GRIP1: variants seen among roughly 807,000 people sequenced by gnomAD.
GRIP1 encodes glutamate receptor-interacting protein 1.
Under a neutral mutation model 129.9 loss-of-function variants are expected in GRIP1, and 45 were observed. The ratio of observed to expected loss-of-function variants is 0.35; its 90% CI spans 0.27 to 0.44. The LOEUF is 0.44. Among genes scored for constraint, GRIP1 ranks in the 20% least tolerant of loss-of-function variants. The pLI, the probability that GRIP1 is intolerant of heterozygous loss-of-function variation, is 1.00. For synonymous variants in GRIP1, 530 were observed against 520.8 expected, an observed-to-expected ratio of 1.02 and a Z score of -0.24; for missense variants, 1,196 against 1,396.8, an observed-to-expected ratio of 0.86 and a Z score of 2.29.
chr12:66,617,149 G>A (rs1314813133), intron 1 of GRIP1, among the ~76,000 whole-genome samples: 4 of 149,444 alleles, frequency 2.7e-5, no homozygotes, highest in African/African-American at 9.9e-5. Flanking sequence ...AGATGGGGGA[G>A]GTGAAGAGAG....
chr12:66,613,086 T>C (rs1237625408), intron 1 of GRIP1, among the ~76,000 whole-genome samples: 2 of 152,298 alleles, frequency 1.3e-5, no homozygotes, highest in South Asian at 2.1e-4. Flanking sequence ...AAGAAACCTA[T>C]TAAGTATAAA....
At chr12:66,835,047 A>G (rs1210773095) in intron 1 of GRIP1, among the ~76,000 whole-genome samples, 3 of 152,128 alleles carry the variant, frequency 2.0e-5, no homozygotes, top group Non-Finnish European at 4.4e-5. Context: ...GACAAGCCAC[A>G]GACTGGGAAA....
At chr12:67,003,506 A>G (rs549870660) in intron 1 of GRIP1, among the ~76,000 whole-genome samples, 1 of 152,140 alleles carries the variant, frequency 6.6e-6, no homozygotes, top group Non-Finnish European at 1.5e-5. Context: ...AGCCTCAGCA[A>G]CGTGGTGAAA....
At chr12:66,479,012 A>G (rs1215890603) in intron 7 of GRIP1, among the ~76,000 whole-genome samples, 2 of 152,006 alleles carry the variant, frequency 1.3e-5, no homozygotes, top group African/African-American at 4.8e-5. Flanking sequence ...CATGTACCCT[A>G]GAACCTAAAG....
intron 1 of GRIP1, among the ~76,000 whole-genome samples, chr12:66,774,782 T>C (rs2037927508): frequency 6.6e-6 from 1 of 152,200 alleles, no homozygotes; most frequent in Admixed American, 6.5e-5. Context: ...TTAGATACAC[T>C]GGCAGTCCAT....
intron 7 of GRIP1, among the ~76,000 whole-genome samples, chr12:66,498,728 T>A (rs11176234): frequency 0.46 from 69,376 of 151,554 alleles, 16,090 homozygotes; most frequent in African/African-American, 0.53. Context: ...AGATTTCTTA[T>A]CTTTAAAACC....
At chr12:66,512,550 T>C (rs1043157958) in intron 7 of GRIP1, among the ~76,000 whole-genome samples, 3 of 122,922 alleles carry the variant, frequency 2.4e-5, no homozygotes, top group African/African-American at 6.2e-5. Context: ...AATAAACAAC[T>C]GAGAAAAGTT....
At chr12:66,862,309 T>C (rs905076142) in intron 1 of GRIP1, among the ~76,000 whole-genome samples, 2 of 152,070 alleles carry the variant, frequency 1.3e-5, no homozygotes, top group Non-Finnish European at 2.9e-5. Flanking sequence ...TGAATTGCCT[T>C]AGGTCACAAA....
intron 16 of GRIP1, among the ~76,000 whole-genome samples, chr12:66,398,606 GC>G (rs1268056138): frequency 6.6e-6 from 1 of 151,962 alleles, no homozygotes; most frequent in Non-Finnish European, 1.5e-5. Flanking sequence ...GAGACCCACA[GC>G]TTCTGTGCAT....
At chr12:66,494,223 G>A (rs1238424615) in intron 7 of GRIP1, among the ~76,000 whole-genome samples, 5 of 152,084 alleles carry the variant, frequency 3.3e-5, no homozygotes, top group Non-Finnish European at 7.4e-5. Flanking sequence ...GTACTTAAAT[G>A]TACTTAAACC....
intron 1 of GRIP1, among the ~76,000 whole-genome samples, chr12:66,709,804 A>G (rs1024487057): frequency 6.6e-6 from 1 of 152,044 alleles, no homozygotes; most frequent in Non-Finnish European, 1.5e-5. Context: ...GATGAACAGA[A>G]TATTTAATAA....
At chr12:66,617,085 T>TTTTGTG (rs1555217385) in intron 1 of GRIP1, among the ~76,000 whole-genome samples, 2 of 135,450 alleles carry the variant, frequency 1.5e-5, no homozygotes, top group African/African-American at 5.7e-5. Context: ...AACAGACGTT[T>TTTTGTG]TGTGTGTGTG....
At chr12:66,948,282 C>T (rs1366427902) in intron 1 of GRIP1, among the ~76,000 whole-genome samples, 1 of 152,174 alleles carries the variant, frequency 6.6e-6, no homozygotes, top group Non-Finnish European at 1.5e-5. Flanking sequence ...TTTTTAGCAA[C>T]CTTCTCAGAC....
At chr12:66,461,577 G>T (rs2059138209) in intron 9 of GRIP1, among the ~76,000 whole-genome samples, 1 of 152,114 alleles carries the variant, frequency 6.6e-6, no homozygotes, top group South Asian at 2.1e-4. Context: ...TGCCTATGCT[G>T]CATCATTTCT....
intron 7 of GRIP1, among the ~76,000 whole-genome samples, chr12:66,474,640 C>T (rs897599909): frequency 1.3e-5 from 2 of 152,154 alleles, no homozygotes; most frequent in Non-Finnish European, 2.9e-5. Flanking sequence ...TTGGCAGAAG[C>T]TCTACAAGCC....
intron 1 of GRIP1, among the ~76,000 whole-genome samples, chr12:66,881,194 A>T (rs2040472633): frequency 2.1e-4 from 1 of 4,836 alleles, no homozygotes; most frequent in Admixed American, 0.022. Context: ...AAAAGAGAGA[A>T]AAAAAGAGAA....
intron 1 of GRIP1, among the ~76,000 whole-genome samples, chr12:66,894,242 GTAC>G (rs1178907675): frequency 6.6e-6 from 1 of 152,118 alleles, no homozygotes; most frequent in Admixed American, 6.5e-5. Flanking sequence ...GCCCTAGAGA[GTAC>G]ACGCACTCCC....
intron 7 of GRIP1, among the ~76,000 whole-genome samples, chr12:66,477,397 G>A (rs1311631629): frequency 6.6e-6 from 1 of 151,730 alleles, no homozygotes; most frequent in African/African-American, 2.4e-5. Flanking sequence ...ACAAATGGAA[G>A]AACATTCCAT....
rs1278237700 is a variant in GRIP1 at position 66,621,210 on chromosome 12, AC to A, written c.56-24284del. On this transcript the variant is annotated intron_variant, in intron 1 of 24. Coordinates refer to ENST00000359742, the MANE Select transcript of GRIP1 (RefSeq NM_001366722.1). ...ACCCATCACCCCTATTATCTTCAGA[AC>A]TTTTTTTTATCATCCCAAACTGAAA... Among the ~76,000 whole-genome samples, 4 of 152,254 alleles carry A rather than the reference AC, an allele frequency of 2.6e-5. No individual in the cohort carries two copies. The East Asian group carries it at 7.7e-4, about 29-fold the overall frequency.
Sources: gnomAD v4.1 joint callset for allele counts (sites outside exome capture counted in the v4.1 genomes callset) on GRCh38, gnomAD v4.1.1 for gene constraint, MANE v1.5 for transcripts, NCBI Gene and HGNC (gene_info 2026-07-23, HGNC 2026-07-21) for gene names.